GPC3: variants seen among roughly 807,000 people sequenced by gnomAD.
The protein encoded by GPC3 is glypican 3.
GPC3 carries 3 observed loss-of-function variants against 34.4 expected under a neutral mutation model. The observed-to-expected ratio is 0.09, with a 90% CI of 0.04 to 0.23. The LOEUF (loss-of-function observed/expected upper bound fraction) is 0.23. Ranked by LOEUF, GPC3 falls within the 10% of genes least tolerant of loss-of-function variation. The pLI, the probability that GPC3 is intolerant of heterozygous loss-of-function variation, is 1.00. For synonymous variants in GPC3, 177 were observed against 174.0 expected, an observed-to-expected ratio of 1.02 and a Z score of -0.13; for missense variants, 351 against 445.6, an observed-to-expected ratio of 0.79 and a Z score of 1.91.
At chrX:133,763,894 A>T (rs2071823076) in intron 2 of GPC3, among the ~76,000 whole-genome samples, 1 of 112,147 alleles carries the variant, frequency 8.9e-6, no homozygotes, top group Non-Finnish European at 1.9e-5. Context: ...TTGAACTACC[A>T]TTCAACCTAG....
chrX:133,844,558 G>A (rs747933075), intron 2 of GPC3, among the ~76,000 whole-genome samples: 8 of 111,757 alleles, frequency 7.2e-5, no homozygotes, highest in Non-Finnish European at 9.4e-5. Context: ...ATGGGAGACC[G>A]AGTACAGTTA....
Position 133,754,195 on chromosome X carries a change from AAG to A in GPC3, c.338-21_338-20del. On this transcript the variant is annotated intron_variant, in intron 2 of 7. Coordinates refer to ENST00000370818, the MANE Select transcript of GPC3 (RefSeq NM_004484.4). The stretch of plus-strand genomic sequence containing the variant: ...AAGGCCTCTGTAAAAAAAAAAAAAA[AAG>A]AGACACAAAAATGTGTACAAATTAA... 1 of 1,021,270 alleles carries A rather than the reference AAG, an allele frequency of 9.8e-7. No individual in the cohort carries two copies. The highest frequency in any genetic ancestry group is 1.4e-6 in the Non-Finnish European group (1 of 733,675). The allele number at this position is 1,021,270 out of a possible 1,213,427, so 84.2% of individuals were successfully genotyped here.
intron 6 of GPC3, among the ~76,000 whole-genome samples, chrX:133,616,761 A>ATG: frequency 9.6e-6 from 1 of 104,264 alleles, no homozygotes; most frequent in African/African-American, 3.5e-5. Flanking sequence ...GCAGTGGCGC[A>ATG]ATCTCGGCTC....
At chrX:133,938,106 G>C (rs1022543396) in intron 2 of GPC3, among the ~76,000 whole-genome samples, 3 of 112,072 alleles carry the variant, frequency 2.7e-5, no homozygotes, top group Non-Finnish European at 3.8e-5. Flanking sequence ...GGGAAGGATG[G>C]TGAAGTGTGA....
At chrX:133,695,061 A>G (rs1054220973) in intron 4 of GPC3, among the ~76,000 whole-genome samples, 5 of 111,978 alleles carry the variant, frequency 4.5e-5, no homozygotes, top group African/African-American at 1.6e-4. Flanking sequence ...CCAGCTCTGC[A>G]TGGCTGGGGA....
chrX:133,545,910 C>CAA (rs369994310), intron 7 of GPC3, among the ~76,000 whole-genome samples: 6 of 98,178 alleles, frequency 6.1e-5, no homozygotes, highest in African/African-American at 1.8e-4. Context: ...GACTATTAGC[C>CAA]AAAAAAAAAA....
intron 2 of GPC3, among the ~76,000 whole-genome samples, chrX:133,920,537 A>G (rs1028373620): frequency 1.8e-5 from 2 of 111,973 alleles, no homozygotes; most frequent in Non-Finnish European, 3.8e-5. Context: ...GGTTAAATAC[A>G]TTATACATAT....
intron 5 of GPC3, among the ~76,000 whole-genome samples, chrX:133,680,142 G>A (rs1486628620): frequency 8.9e-6 from 1 of 112,002 alleles, no homozygotes; most frequent in Admixed American, 9.4e-5. Context: ...GTAGGGGTAA[G>A]CTAGCCAATG....
At chrX:133,909,669 TA>T (rs991349774) in intron 2 of GPC3, among the ~76,000 whole-genome samples, 6 of 111,542 alleles carry the variant, frequency 5.4e-5, no homozygotes, top group African/African-American at 1.3e-4. Flanking sequence ...TGTTTGGTAT[TA>T]AAAAAAAGAT....
intron 2 of GPC3, among the ~76,000 whole-genome samples, chrX:133,809,153 T>C (rs1395958690): frequency 1.8e-5 from 2 of 111,895 alleles, no homozygotes; most frequent in Admixed American, 1.9e-4. Context: ...GCAAGAGGAA[T>C]ATGAGGAGTG....
Position 133,753,854 on chromosome X carries a change from G to A in GPC3, c.660C>T (p.Ser220=), listed in dbSNP as rs138450923. 8.3e-4 allele frequency: 1,006 copies of A among 1,209,627 alleles called. No homozygotes were observed. The highest frequency in any genetic ancestry group is 1.1e-3 in the Non-Finnish European group (978 of 894,866). The change falls in exon 3 of 8, where the codon TCC becomes TCT. Residue 220 remains serine, a synonymous_variant. Transcript: ENST00000370818. ...NFPKLIMTQV[S]KSLQVTRIFL... is the part of the protein sequence containing the mutation. ...AGATCCTAGTGACTTGCAGTGACTT[G>A]GAAACCTGGGTCATAATAAGCTTGG...
At chrX:133,698,423 C>T (rs913358424) in intron 4 of GPC3, among the ~76,000 whole-genome samples, 2 of 112,235 alleles carry the variant, frequency 1.8e-5, no homozygotes, top group African/African-American at 6.5e-5. Context: ...TAAGCTATTT[C>T]TAAGATTAGC....
chrX:133,601,924 C>T (rs1569393982), intron 6 of GPC3, among the ~76,000 whole-genome samples: 1 of 111,680 alleles, frequency 9.0e-6, no homozygotes, highest in Non-Finnish European at 1.9e-5. Context: ...GGTAGTTATT[C>T]AAAGGAAAAG....
At chrX:133,793,573 C>G (rs2072190631) in intron 2 of GPC3, among the ~76,000 whole-genome samples, 1 of 111,259 alleles carries the variant, frequency 9.0e-6, no homozygotes, top group Non-Finnish European at 1.9e-5. Context: ...ACTCTGCACC[C>G]TGGGTGACAT....
At chrX:133,936,017 A>T (rs2076321910) in intron 2 of GPC3, among the ~76,000 whole-genome samples, 1 of 109,360 alleles carries the variant, frequency 9.1e-6, no homozygotes, top group African/African-American at 3.3e-5. Flanking sequence ...GGCTGAAGCG[A>T]TCCTCCCACC....
chrX:133,590,927 A>G (rs897625389), intron 7 of GPC3, among the ~76,000 whole-genome samples: 1 of 112,076 alleles, frequency 8.9e-6, no homozygotes, highest in Non-Finnish European at 1.9e-5. Flanking sequence ...ATGCCCTGCA[A>G]GACTTGTGTG....
chrX:133,859,080 CAA>C (rs561711766), intron 2 of GPC3, among the ~76,000 whole-genome samples: 28 of 40,689 alleles, frequency 6.9e-4, no homozygotes, highest in African/African-American at 1.3e-3. Flanking sequence ...GACTCTGTCT[CAA>C]AAAAAAAAAA....
chrX:133,906,856 A>T (rs1406484518), intron 2 of GPC3, among the ~76,000 whole-genome samples: 1 of 112,257 alleles, frequency 8.9e-6, no homozygotes, highest in Non-Finnish European at 1.9e-5. Flanking sequence ...AGGCGGGCAG[A>T]TCACCAGGTC....
At chrX:133,600,032 A>T (rs2069963044) in intron 6 of GPC3, among the ~76,000 whole-genome samples, 1 of 111,055 alleles carries the variant, frequency 9.0e-6, no homozygotes, top group African/African-American at 3.3e-5. Context: ...TACCTCCTAA[A>T]TGCCACTTTC....
Sources: gnomAD v4.1 joint callset for allele counts (sites outside exome capture counted in the v4.1 genomes callset) on GRCh38, gnomAD v4.1.1 for gene constraint, MANE v1.5 for transcripts, NCBI Gene and HGNC (gene_info 2026-07-23, HGNC 2026-07-21) for gene names.